The following ATP10B variants were observed in gnomAD, a reference collection of about 807,000 sequenced individuals.
ATP10B encodes phospholipid-transporting ATPase VB.
ATP10B carries 122 observed loss-of-function variants against 141.2 expected under a neutral mutation model. That is an observed-to-expected ratio of 0.86 (90% CI 0.75 to 1.00). ATP10B has a LOEUF of 1.00. ATP10B is among the 50% of genes least tolerant of loss of function. The pLI is 0.00. For synonymous variants in ATP10B, 685 were observed against 692.0 expected, an observed-to-expected ratio of 0.99 and a Z score of 0.16; for missense variants, 1,876 against 1,825.3, an observed-to-expected ratio of 1.03 and a Z score of -0.51.
intron 2 of ATP10B, among the ~76,000 whole-genome samples, chr5:160,771,618 T>C (rs1371810909): frequency 6.6e-6 from 1 of 152,216 alleles, no homozygotes; most frequent in African/African-American, 2.4e-5. Flanking sequence ...AATTAACATA[T>C]TCATAATCTC....
intron 1 of ATP10B, among the ~76,000 whole-genome samples, chr5:160,813,534 CT>C (rs1561882168): frequency 6.6e-6 from 1 of 152,162 alleles, no homozygotes; most frequent in African/African-American, 2.4e-5. Context: ...GCCTGCCTGC[CT>C]TTGTAGACTC....
At chr5:160,656,551 T>C (rs1761512314) in intron 7 of ATP10B, among the ~76,000 whole-genome samples, 1 of 152,218 alleles carries the variant, frequency 6.6e-6, no homozygotes, top group African/African-American at 2.4e-5. Context: ...TGTACCACTA[T>C]CTTTCAGATT....
At chr5:160,743,876 G>A (rs567680361) in intron 2 of ATP10B, among the ~76,000 whole-genome samples, 1 of 152,214 alleles carries the variant, frequency 6.6e-6, no homozygotes, top group Middle Eastern at 3.4e-3. Context: ...GGGAGAGCAC[G>A]CTAGTGGCCT....
At chr5:160,763,149 C>T (rs541165504) in intron 2 of ATP10B, among the ~76,000 whole-genome samples, 33 of 152,164 alleles carry the variant, frequency 2.2e-4, no homozygotes, top group Middle Eastern at 3.4e-3. Context: ...CAGCACTAGA[C>T]GGGACATCAA....
the ATP10B span, among the ~76,000 whole-genome samples, chr5:160,886,781 T>C: frequency 1.3e-5 from 2 of 152,184 alleles, no homozygotes; most frequent in East Asian, 3.9e-4. Context: ...CATGCCATAA[T>C]TTCATTCCAG....
chr5:160,640,240 T>C (rs982462089), intron 10 of ATP10B, among the ~76,000 whole-genome samples: 2 of 152,246 alleles, frequency 1.3e-5, no homozygotes, highest in Non-Finnish European at 2.9e-5. Flanking sequence ...TCAGTAAATA[T>C]TTCTTGACCA....
At chr5:160,766,906 T>G (rs1256235312) in intron 2 of ATP10B, among the ~76,000 whole-genome samples, 1 of 152,224 alleles carries the variant, frequency 6.6e-6, no homozygotes, top group African/African-American at 2.4e-5. Context: ...CAGCTTCACC[T>G]AGATCATGGT....
intron 24 of ATP10B, among the ~76,000 whole-genome samples, chr5:160,574,641 G>A (rs184322381): frequency 4.6e-5 from 7 of 152,234 alleles, no homozygotes; most frequent in Admixed American, 4.6e-4. Context: ...GGGGCCTTTT[G>A]GAAGTGATTA....
intron 2 of ATP10B, among the ~76,000 whole-genome samples, chr5:160,740,142 C>A (rs1485094781): frequency 6.6e-6 from 1 of 152,186 alleles, no homozygotes; most frequent in Non-Finnish European, 1.5e-5. Flanking sequence ...GGTAGGATAT[C>A]CACTTTTAAC....
At chr5:160,787,361 C>T (rs1771245974) in intron 1 of ATP10B, among the ~76,000 whole-genome samples, 1 of 152,096 alleles carries the variant, frequency 6.6e-6, no homozygotes. Flanking sequence ...CTCACTTCTG[C>T]CACGTACCTG....
chr5:160,840,422 T>C (rs1285054596), intron 1 of ATP10B, among the ~76,000 whole-genome samples: 1 of 152,058 alleles, frequency 6.6e-6, no homozygotes, highest in East Asian at 1.9e-4. Context: ...AGAAATCTAG[T>C]ATATTAAAAA....
At chr5:160,748,097 T>TTGCCA (rs936984722) in intron 2 of ATP10B, among the ~76,000 whole-genome samples, 3 of 151,828 alleles carry the variant, frequency 2.0e-5, no homozygotes, top group African/African-American at 7.3e-5. Flanking sequence ...GGTGGCACAG[T>TTGCCA]TGCCAGGCTT....
At chr5:160,916,405 T>TTTTTTTTTTTTTTTTTTTTGAGACGGA in the ATP10B span, among the ~76,000 whole-genome samples, 1 of 152,180 alleles carries the variant, frequency 6.6e-6, no homozygotes, top group African/African-American at 2.4e-5. Context: ...ATGTTTTTTT[T>TTTTTTTTTTTTTTTTTTTTGAGACGGA]GTAGATAGCT....
intron 1 of ATP10B, among the ~76,000 whole-genome samples, chr5:160,833,493 T>C (rs1775228113): frequency 6.6e-6 from 1 of 152,170 alleles, no homozygotes; most frequent in Non-Finnish European, 1.5e-5. Context: ...AAGGAGTTAA[T>C]ATTTATTTCA....
chr5:160,898,838 C>A, the ATP10B span, among the ~76,000 whole-genome samples: 3 of 152,148 alleles, frequency 2.0e-5, no homozygotes, highest in Non-Finnish European at 2.9e-5. Flanking sequence ...AGCTCATGTG[C>A]TTTGCAGGGA....
chr5:160,649,089 A>C (rs1760512425), intron 8 of ATP10B, 82 bp downstream of exon 8: 2 of 986,224 alleles, frequency 2.0e-6, no homozygotes, highest in Non-Finnish European at 3.1e-6. Context: ...GAAGATGCTT[A>C]TTTGTTTGGT....
At chr5:160,625,022 T>C (rs560988498) in intron 13 of ATP10B, among the ~76,000 whole-genome samples, 7 of 152,336 alleles carry the variant, frequency 4.6e-5, no homozygotes, top group African/African-American at 1.4e-4. Flanking sequence ...GTGTTTCTTA[T>C]GTTCTAGTAC....
At chr5:160,740,315 T>C (rs902910241) in intron 2 of ATP10B, among the ~76,000 whole-genome samples, 1 of 152,242 alleles carries the variant, frequency 6.6e-6, no homozygotes, top group Admixed American at 6.5e-5. Context: ...TTTTTGCATA[T>C]ACTATAACTT....
In ATP10B at chr5:160,680,879, C is replaced by T. The variant is rs57976700; in HGVS notation, c.470+5200G>A. Among the ~76,000 whole-genome samples, 799 of 152,292 alleles carry T rather than the reference C, an allele frequency of 5.2e-3. 7 individuals carry two copies. The highest frequency in any genetic ancestry group is 0.018 in the African/African-American group (737 of 41,556). ...GGGAGTAGTAAGCTTCCTTGACCTT[C>T]CAAGATGGCTACCAGAAGTGTCTTT... is the stretch of plus-strand genomic sequence containing the variant. On this transcript the variant is annotated intron_variant, in intron 6 of 25. Coordinates refer to ENST00000327245, the MANE Select transcript of ATP10B (RefSeq NM_025153.3).
Sources: gnomAD v4.1 joint callset for allele counts (sites outside exome capture counted in the v4.1 genomes callset) on GRCh38, gnomAD v4.1.1 for gene constraint, MANE v1.5 for transcripts, NCBI Gene and HGNC (gene_info 2026-07-23, HGNC 2026-07-21) for gene names.